GDI2: variants seen among roughly 807,000 people sequenced by gnomAD.
The protein encoded by GDI2 is GDP dissociation inhibitor 2, also known as rab GDP dissociation inhibitor beta.
In GDI2, 22 loss-of-function variants were observed where a neutral mutation model predicts 54.2. The observed-to-expected ratio is 0.41, with a 90% confidence interval of 0.29 to 0.58. The LOEUF is 0.58. Among genes scored for constraint, GDI2 ranks in the 20% least tolerant of loss-of-function variants. The pLI is 0.35. For synonymous variants in GDI2, 177 were observed against 182.1 expected (o/e 0.97, Z 0.23); for missense variants, 422 against 546.0 (o/e 0.77, Z 2.26).
chr10:5,773,438 C>T (rs1225399860), intron 7 of GDI2, among the ~76,000 whole-genome samples: 2 of 151,970 alleles, frequency 1.3e-5, no homozygotes. Flanking sequence ...CTCAGACCTA[C>T]TGATTAGAAC....
rs1375935480 is a variant in GDI2, at chr10:5,768,658, A to G, written c.820-274T>C. ...GTATGGACCAATGAAACGAGGAGAG[A>G]GCCAGAAATAAACCCTCGCATCCAC... On this transcript the variant is annotated intron_variant, in intron 7 of 10. Transcript: ENST00000380191. This position sits in a 1 kb window ranked among gnomAD's most constrained non-coding sequence, Gnocchi z 4.4. 1 of 316,668 alleles carries G rather than the reference A, an allele frequency of 3.2e-6. No homozygotes were observed. The highest frequency in any genetic ancestry group is 5.8e-6 in the Non-Finnish European group (1 of 172,052). 19.6% of individuals were successfully genotyped at this position (316,668 alleles called of 1,614,324 possible). A position where few individuals can be genotyped will look rare whatever the true frequency, so the allele number is the denominator to read the frequency against.
In GDI2 at chr10:5,784,938, C is replaced by T. The variant is rs184699469; in HGVS notation, c.719+204G>A. On this transcript the variant is annotated intron_variant, in intron 6 of 10. Coordinates refer to ENST00000380191, the MANE Select transcript of GDI2 (RefSeq NM_001494.4). ...CCAGGAGTTGGCACTTACAAGAGCA[C>T]ATCAGCTACAGTTGTATAAAACTGG... is the stretch of plus-strand genomic sequence containing the variant. Among the ~76,000 whole-genome samples the T allele has an allele frequency of 2.6e-4, 40 of 152,348 alleles. No individual in the cohort carries two copies. In the East Asian group the frequency reaches 6.0e-3, roughly 23 times the overall value.
At chr10:5,796,216 G>A (rs1165439997) in intron 3 of GDI2, among the ~76,000 whole-genome samples, 1 of 151,916 alleles carries the variant, frequency 6.6e-6, no homozygotes, top group African/African-American at 2.4e-5. Flanking sequence ...TGGGCGTGGT[G>A]GCACGCACCT....
chr10:5,809,228 G>C (rs1036697914), intron 1 of GDI2, among the ~76,000 whole-genome samples: 1 of 123,936 alleles, frequency 8.1e-6, no homozygotes, highest in South Asian at 2.6e-4. Flanking sequence ...CTGGGCAACA[G>C]AGTGAGACTC....
In GDI2 at chr10:5,766,776, A is replaced by G. The variant is rs1840346737; in HGVS notation, c.992-138T>C. 1 of 636,678 alleles carries G rather than the reference A, an allele frequency of 1.6e-6. No individual in the cohort carries two copies. The highest frequency in any genetic ancestry group is 2.8e-5 in the Admixed American group (1 of 35,924). 39.4% of individuals were successfully genotyped at this position (636,678 alleles called of 1,614,324 possible). On this transcript the variant is annotated intron_variant, in intron 8 of 10. Coordinates refer to ENST00000380191, the MANE Select transcript of GDI2 (RefSeq NM_001494.4). This position sits in a 1 kb window ranked among gnomAD's most constrained non-coding sequence, Gnocchi z 5.8. ...AAGATCTTCTACACTTAAGTTCTAA[A>G]TGGTGACAGAGTTGGATGTAAAGTA...
rs764289406 is a variant in GDI2 at position 5,768,334 on chromosome 10, C to T, written c.870G>A (p.Arg290=). The stretch of plus-strand genomic sequence containing the variant: ...TGATCACCTGGCCCACTTTTTCTAC[C>T]CGATCTTTTACGTAGCTGGGGTCAC... ...LICDPSYVKD[R]VEKVGQVIRV... is the part of the protein sequence containing the mutation. The change falls in exon 8 of 11, where the codon CGG becomes CGA. Residue 290 remains arginine, a synonymous_variant. Coordinates refer to ENST00000380191, the MANE Select transcript of GDI2 (RefSeq NM_001494.4). This position sits in a 1 kb window ranked among gnomAD's most constrained non-coding sequence, Gnocchi z 4.4. The T allele has an allele frequency of 1.2e-6, 2 of 1,613,588 alleles. No homozygotes were observed. The highest frequency in any genetic ancestry group is 2.2e-5 in the South Asian group (2 of 91,078).
intron 1 of GDI2, among the ~76,000 whole-genome samples, chr10:5,810,603 T>C (rs1430273858): frequency 6.6e-6 from 1 of 152,238 alleles, no homozygotes; most frequent in Non-Finnish European, 1.5e-5. Context: ...CTTCACCATG[T>C]TACAGCATAA....
intron 8 of GDI2, among the ~76,000 whole-genome samples, chr10:5,767,038 T>A (rs1840356064): frequency 6.6e-6 from 1 of 152,200 alleles, no homozygotes; most frequent in Non-Finnish European, 1.5e-5. Context: ...CATTTACTTA[T>A]TACAGTAATG....
intron 4 of GDI2, among the ~76,000 whole-genome samples, chr10:5,790,742 G>A (rs965076089): frequency 4.6e-5 from 7 of 151,992 alleles, no homozygotes; most frequent in African/African-American, 1.7e-4. Flanking sequence ...CAGGCTATTA[G>A]TAGTTTCAGA....
intron 1 of GDI2, among the ~76,000 whole-genome samples, chr10:5,809,307 C>G (rs1396387540): frequency 1.3e-5 from 2 of 151,334 alleles, no homozygotes; most frequent in Admixed American, 1.3e-4. Flanking sequence ...CTAATTATAT[C>G]ACTCTCCTGC....
chr10:5,776,707 A>C lies in GDI2; in HGVS notation c.720-2766T>G, dbSNP rs1464489389. The C allele has an allele frequency of 6.8e-7, 1 of 1,466,260 alleles. No homozygotes were observed. Among genetic ancestry groups the C allele is most frequent in the Non-Finnish European group, 9.5e-7 (1 of 1,053,518 alleles). The allele number at this position is 1,466,260 out of a possible 1,614,324, so 90.8% of individuals were successfully genotyped here. ...TATGGAGCTTGCCGCCACATTCAGAAACTGCTACAGCCTCTTTAACCTGGC... is the reference window on the plus strand; with the variant it reads ...TATGGAGCTTGCCGCCACATTCAGACACTGCTACAGCCTCTTTAACCTGGC... On this transcript the variant is annotated intron_variant, in intron 6 of 10. Coordinates refer to ENST00000380191, the MANE Select transcript of GDI2 (RefSeq NM_001494.4). This position sits in a 1 kb window ranked among gnomAD's most constrained non-coding sequence, Gnocchi z 5.3.
chr10:5,778,163 T>A (rs980296858), intron 6 of GDI2, among the ~76,000 whole-genome samples: 11 of 152,088 alleles, frequency 7.2e-5, no homozygotes, highest in Non-Finnish European at 1.6e-4. Flanking sequence ...GGGATAGCAC[T>A]AGAAGTACCT....
chr10:5,776,547 T>C lies in GDI2; in HGVS notation c.720-2606A>G, dbSNP rs1466773703. 29 of 1,560,586 alleles carry C rather than the reference T, an allele frequency of 1.9e-5. No homozygotes were observed. The East Asian group carries it at 2.2e-4, about 12-fold the overall frequency. On this transcript the variant is annotated intron_variant, in intron 6 of 10. Coordinates refer to ENST00000380191, the MANE Select transcript of GDI2 (RefSeq NM_001494.4). This position sits in a 1 kb window ranked among gnomAD's most constrained non-coding sequence, Gnocchi z 5.3. Reference sequence around the variant, plus strand: ...AGAGAAGCAGATTTGAAGAGGCATGTGGAATTCCTTGTGGCTGAGAATGAA... The same window carrying C: ...AGAGAAGCAGATTTGAAGAGGCATGCGGAATTCCTTGTGGCTGAGAATGAA...
chr10:5,772,150 C>G (rs1390775540), intron 7 of GDI2, among the ~76,000 whole-genome samples: 1 of 152,026 alleles, frequency 6.6e-6, no homozygotes, highest in East Asian at 1.9e-4. Flanking sequence ...GTGTTACTGT[C>G]CCTGATGAAG....
chr10:5,774,908 G>GGAAGGGCAAGGC lies in GDI2; in HGVS notation c.720-968_720-967insGCCTTGCCCTTC, dbSNP rs1840584450. Among the ~76,000 whole-genome samples the GGAAGGGCAAGGC allele has an allele frequency of 6.6e-6, 1 of 152,146 alleles. No homozygotes were observed. Among genetic ancestry groups the GGAAGGGCAAGGC allele is most frequent in the African/African-American group, 2.4e-5 (1 of 41,418 alleles). On this transcript the variant is annotated intron_variant, in intron 6 of 10. Transcript: ENST00000380191. The surrounding 1 kb of genome is among the most constrained non-coding windows in gnomAD (Gnocchi z 4.8). ...ACCCAGGGGAAGGGGAAGGGCAAGG[G>GGAAGGGCAAGGC]CAAGGGCAAGGCCAAGGGAAGGGTT...
intron 2 of GDI2, among the ~76,000 whole-genome samples, chr10:5,799,240 T>C (rs1157116711): frequency 6.6e-6 from 1 of 152,086 alleles, no homozygotes; most frequent in Non-Finnish European, 1.5e-5. Flanking sequence ...AGGAGGCTGA[T>C]ACAGGAGGAT....
chr10:5,798,585 T>C (rs1482071865), intron 2 of GDI2, among the ~76,000 whole-genome samples: 1 of 138,414 alleles, frequency 7.2e-6, no homozygotes, highest in African/African-American at 2.7e-5. Flanking sequence ...AAAGACTCCA[T>C]CTCAAAAAAA....
intron 2 of GDI2, among the ~76,000 whole-genome samples, chr10:5,797,169 T>C (rs1423099397): frequency 6.6e-6 from 1 of 151,972 alleles, no homozygotes; most frequent in African/African-American, 2.4e-5. Flanking sequence ...CAGCACTTTG[T>C]AATCCATGAG....
chr10:5,790,467 A>C (rs931804033), intron 4 of GDI2, among the ~76,000 whole-genome samples: 4 of 151,932 alleles, frequency 2.6e-5, no homozygotes, highest in African/African-American at 9.7e-5. Flanking sequence ...AACACGGTAA[A>C]ACCCTATCTC....
Sources: allele counts gnomAD v4.1 joint callset (sites outside exome capture counted in the v4.1 genomes callset), GRCh38; gene constraint gnomAD v4.1.1; non-coding constraint Gnocchi (gnomAD v3.1); transcripts MANE v1.5; gene names NCBI Gene and HGNC (gene_info 2026-07-23, HGNC 2026-07-21).